The following PCYOX1 variants were observed in gnomAD, a reference collection of about 807,000 sequenced individuals.
The protein encoded by PCYOX1 is prenylcysteine oxidase 1.
In PCYOX1, 46 loss-of-function variants were observed where a neutral mutation model predicts 46.4. That is an observed-to-expected ratio of 0.99 (90% CI 0.78 to 1.27). The LOEUF is 1.27. Among genes scored for constraint, PCYOX1 ranks in the 50% most tolerant of loss-of-function variants. PCYOX1 has a pLI of 0.00. For missense variants in PCYOX1, 658 were observed against 628.3 expected (o/e 1.05, Z -0.51); for synonymous variants, 220 against 231.8 (o/e 0.95, Z 0.46).
chr2:70,276,307 C>CTA (rs1395098362), intron 5 of PCYOX1, among the ~76,000 whole-genome samples: 3 of 151,600 alleles, frequency 2.0e-5, no homozygotes, highest in Non-Finnish European at 4.4e-5. Context: ...GTAGCTGGGA[C>CTA]TATAGGCGCC....
At position 70,280,298 on chromosome 2, in the gene PCYOX1, T is replaced by G. The variant is rs1055139178; in HGVS notation, c.*2906T>G. 6.6e-6 allele frequency: 1 copy of G among 152,148 alleles called. No homozygotes were observed. The highest frequency in any genetic ancestry group is 6.5e-5 in the Admixed American group (1 of 15,268). The allele number at this position is 152,148 out of a possible 1,614,324, so 9.4% of individuals were successfully genotyped here. Reference sequence around the variant, plus strand: ...GCTACTCTGGGCGCATTAGGTAGTTTTATGCAACTATAGTATTAAGAGTTT... The same window carrying G: ...GCTACTCTGGGCGCATTAGGTAGTTGTATGCAACTATAGTATTAAGAGTTT... On this transcript the variant is annotated 3_prime_UTR_variant, in exon 6 of 6. Coordinates refer to ENST00000433351, the MANE Select transcript of PCYOX1 (RefSeq NM_016297.4).
Position 70,277,048 on chromosome 2 carries a change from A to G in PCYOX1, c.1174A>G (p.Lys392Glu), listed in dbSNP as rs369034697. Residue 392 changes from lysine (K) to glutamate (E), a missense_variant, in exon 6 of 6, where the codon AAG becomes GAG. Lys to Glu is a moderately conservative substitution (Grantham distance 56). Coordinates refer to ENST00000433351, the MANE Select transcript of PCYOX1 (RefSeq NM_016297.4). ...SIGIVPSVREKEDPEPSTDGT... is the reference protein window; with the variant it reads ...SIGIVPSVREEEDPEPSTDGT... The stretch of plus-strand genomic sequence containing the variant: ...TGGGATTGTGCCCTCTGTGAGAGAA[A>G]AGGAAGATCCTGAGCCATCAACAGA... 16 of 1,613,820 alleles carry G rather than the reference A, an allele frequency of 9.9e-6. No individual in the cohort carries two copies. Among genetic ancestry groups the G allele is most frequent in the Non-Finnish European group, 1.4e-5 (16 of 1,179,682 alleles).
Position 70,277,910 on chromosome 2 carries a change from T to C in PCYOX1, c.*518T>C, listed in dbSNP as rs909440679. 6.6e-6 allele frequency: 1 copy of C among 152,538 alleles called. No individual in the cohort carries two copies. The highest frequency in any genetic ancestry group is 1.5e-5 in the Non-Finnish European group (1 of 68,342). The allele number at this position is 152,538 out of a possible 1,614,324, so 9.4% of individuals were successfully genotyped here. ...GAGGGAGAACTTAAAGACATCTTAG[T>C]TGGGGAGTAGTCCTTTTGAATTTTA... On this transcript the variant is annotated 3_prime_UTR_variant, in exon 6 of 6. Coordinates refer to ENST00000433351, the MANE Select transcript of PCYOX1 (RefSeq NM_016297.4).
chr2:70,269,897 CGTT>C (rs747297134), intron 3 of PCYOX1, among the ~76,000 whole-genome samples: 104 of 152,178 alleles, frequency 6.8e-4, no homozygotes, highest in Non-Finnish European at 5.7e-4. Context: ...GCTACAAACT[CGTT>C]GTGTTCTCTC....
rs749843879 is a variant in PCYOX1, at chr2:70,258,157, T to C, written c.-8T>C. On this transcript the variant is annotated 5_prime_UTR_variant, in exon 1 of 6. Coordinates refer to ENST00000433351, the MANE Select transcript of PCYOX1 (RefSeq NM_016297.4). The stretch of plus-strand genomic sequence containing the variant: ...CTCTTGAGGCCAGCTGCAGAGCTTG[T>C]GGAGGCCATGGGGCGCGTCGTCGCG... The C allele has an allele frequency of 2.4e-5, 38 of 1,588,068 alleles. 1 individual carries two copies. In the South Asian group the frequency reaches 3.9e-4, roughly 16 times the overall value.
chr2:70,267,111 GGAT>G (rs1696535668), intron 3 of PCYOX1, among the ~76,000 whole-genome samples: 1 of 151,628 alleles, frequency 6.6e-6, no homozygotes. Flanking sequence ...CTCCCAGACG[GGAT>G]GGCGGCGGGG....
intron 3 of PCYOX1, among the ~76,000 whole-genome samples, chr2:70,268,108 C>T (rs1451584736): frequency 1.3e-5 from 2 of 152,148 alleles, no homozygotes; most frequent in East Asian, 1.9e-4. Flanking sequence ...TGCACCCGGC[C>T]GTAAATTTGT....
intron 3 of PCYOX1, among the ~76,000 whole-genome samples, chr2:70,263,399 A>G (rs1484103697): frequency 6.6e-6 from 1 of 152,176 alleles, no homozygotes; most frequent in African/African-American, 2.4e-5. Flanking sequence ...GTAGCCATTC[A>G]TTCATTCACC....
rs903429048 is a variant in PCYOX1 at position 70,279,436 on chromosome 2, C to T, written c.*2044C>T. ...TTGGTAAATACTAATTAATTTCCATCATTTGTAGACTTGTTTTGCAATGGG... is the reference window on the plus strand; with the variant it reads ...TTGGTAAATACTAATTAATTTCCATTATTTGTAGACTTGTTTTGCAATGGG... On this transcript the variant is annotated 3_prime_UTR_variant, in exon 6 of 6. Coordinates refer to ENST00000433351, the MANE Select transcript of PCYOX1 (RefSeq NM_016297.4). 5 of 152,178 alleles carry T rather than the reference C, an allele frequency of 3.3e-5. No homozygotes were observed. The highest frequency in any genetic ancestry group is 3.3e-4 in the Admixed American group (5 of 15,278). The allele number at this position is 152,178 out of a possible 1,614,324, so 9.4% of individuals were successfully genotyped here.
chr2:70,278,247 C>A lies in PCYOX1; in HGVS notation c.*855C>A. The A allele has an allele frequency of 6.6e-6, 1 of 152,558 alleles. No homozygotes were observed. The highest frequency in any genetic ancestry group is 1.5e-5 in the Non-Finnish European group (1 of 68,036). The allele number at this position is 152,558 out of a possible 1,614,324, so 9.5% of individuals were successfully genotyped here. A position where few individuals can be genotyped will look rare whatever the true frequency, so the allele number is the denominator to read the frequency against. On this transcript the variant is annotated 3_prime_UTR_variant, in exon 6 of 6. Transcript: ENST00000433351. ...AGCTTTTAAAAATACTGAGACCCCC[C>A]CATAACCAGAGATTCAGATTCAAAG...
intron 3 of PCYOX1, among the ~76,000 whole-genome samples, chr2:70,265,572 C>A (rs1032330571): frequency 6.6e-6 from 1 of 152,158 alleles, no homozygotes; most frequent in Non-Finnish European, 1.5e-5. Context: ...AATCAACATT[C>A]ATCTTTCTTT....
intron 2 of PCYOX1, 68 bp downstream of exon 2, chr2:70,259,634 G>C: frequency 8.4e-7 from 1 of 1,194,510 alleles, no homozygotes; most frequent in Non-Finnish European, 1.2e-6. Flanking sequence ...TTATCAGATG[G>C]AGAACTGAAA....
At chr2:70,259,846 G>A (rs1357497297) in intron 2 of PCYOX1, among the ~76,000 whole-genome samples, 3 of 151,956 alleles carry the variant, frequency 2.0e-5, no homozygotes, top group Non-Finnish European at 2.9e-5. Context: ...GAGGAGTTTC[G>A]CTCTTGTCGC....
At position 70,280,208 on chromosome 2, in the gene PCYOX1, A is replaced by G. The variant is rs1696752274; in HGVS notation, c.*2816A>G. 1 of 152,268 alleles carries G rather than the reference A, an allele frequency of 6.6e-6. No homozygotes were observed. Among genetic ancestry groups the G allele is most frequent in the South Asian group, 2.1e-4 (1 of 4,830 alleles). The allele number at this position is 152,268 out of a possible 1,614,324, so 9.4% of individuals were successfully genotyped here. On this transcript the variant is annotated 3_prime_UTR_variant, in exon 6 of 6. Coordinates refer to ENST00000433351, the MANE Select transcript of PCYOX1 (RefSeq NM_016297.4). The stretch of plus-strand genomic sequence containing the variant: ...GGTTATCAATACACCAAGGACATCA[A>G]GTAGTTTTAATGCAACTACAGTGTT...
chr2:70,261,100 T>A, intron 2 of PCYOX1, 112 bp from the exon 3 acceptor site: 1 of 633,134 alleles, frequency 1.6e-6, no homozygotes, highest in Non-Finnish European at 2.8e-6. Flanking sequence ...AAGATAGAGC[T>A]CCTTTATGTG....
Position 70,276,894 on chromosome 2 carries a change from T to A in PCYOX1, c.1020T>A (p.Tyr340Ter), listed in dbSNP as rs888818592. 1 of 1,613,314 alleles carries A rather than the reference T, an allele frequency of 6.2e-7. No individual in the cohort carries two copies. Among genetic ancestry groups the A allele is most frequent in the Non-Finnish European group, 8.5e-7 (1 of 1,179,242 alleles). ...DPPIEEFHQY[Y>*]QHIVTTLVKG... ...CAATTGAGGAATTCCATCAATATTA[T>A]CAACATATAGTGACAACTTTAGTTA... Residue 340 changes from tyrosine to a stop codon, truncating the protein, a stop_gained, in exon 6 of 6, where the codon TAT becomes TAA. Coordinates refer to ENST00000433351, the MANE Select transcript of PCYOX1 (RefSeq NM_016297.4). LOFTEE classifies it high-confidence loss of function.
At chr2:70,272,125 AT>A (rs553647193) in intron 3 of PCYOX1, among the ~76,000 whole-genome samples, 1,845 of 133,616 alleles carry the variant, frequency 0.014, 15 homozygotes, top group Non-Finnish European at 0.02. Flanking sequence ...CTAATTTTTA[AT>A]TTTTTTTTTT....
At chr2:70,265,497 C>T (rs1696509296) in intron 3 of PCYOX1, among the ~76,000 whole-genome samples, 1 of 152,142 alleles carries the variant, frequency 6.6e-6, no homozygotes, top group Non-Finnish European at 1.5e-5. Context: ...AGCCGGATGC[C>T]ATTCTTTACT....
Position 70,258,188 on chromosome 2 carries a change from C to A in PCYOX1, c.24C>A (p.Leu8=), listed in dbSNP as rs11556184. The part of the protein sequence containing the change: MGRVVAE[L]VSSLLGLWLL... ...CCATGGGGCGCGTCGTCGCGGAGCT[C>A]GTCTCCTCGCTGCTGGGGTTGTGGC... Residue 8 remains leucine, a synonymous_variant, in exon 1 of 6, where the codon CTC becomes CTA. Transcript: ENST00000433351. The A allele has an allele frequency of 1.3e-6, 2 of 1,597,068 alleles. No individual in the cohort carries two copies. The highest frequency in any genetic ancestry group is 2.7e-5 in the African/African-American group (2 of 73,100).
Sources: gnomAD v4.1 joint callset for allele counts (sites outside exome capture counted in the v4.1 genomes callset) on GRCh38, gnomAD v4.1.1 for gene constraint, MANE v1.5 for transcripts, NCBI Gene and HGNC (gene_info 2026-07-23, HGNC 2026-07-21) for gene names.